UNC5B: variants seen among roughly 807,000 people sequenced by gnomAD.
UNC5B encodes netrin receptor UNC5B.
UNC5B carries 56 observed loss-of-function variants against 103.7 expected under a neutral mutation model. That is an observed-to-expected ratio of 0.54 (90% CI 0.44 to 0.67). The LOEUF (loss-of-function observed/expected upper bound fraction) is 0.67. Ranked by LOEUF, UNC5B falls within the 30% of genes least tolerant of loss-of-function variation. The pLI, the probability that UNC5B is intolerant of heterozygous loss-of-function variation, is 0.00. For missense variants in UNC5B, 1,194 were observed against 1,284.5 expected (o/e 0.93, Z 1.08); for synonymous variants, 577 against 542.0 (o/e 1.06, Z -0.90).
intron 1 of UNC5B, among the ~76,000 whole-genome samples, chr10:71,224,254 G>GACAC (rs140760302): frequency 1.0e-4 from 11 of 108,564 alleles, no homozygotes; most frequent in African/African-American, 4.6e-4. Flanking sequence ...CACACACACA[G>GACAC]ACACACACAC....
chr10:71,273,511 G>A (rs988183668), intron 1 of UNC5B, among the ~76,000 whole-genome samples: 5 of 152,348 alleles, frequency 3.3e-5, no homozygotes, highest in Middle Eastern at 3.4e-3. Context: ...GACCCTCTGA[G>A]AGGTACAGTG....
At chr10:71,273,578 T>C (rs1844696657) in intron 1 of UNC5B, among the ~76,000 whole-genome samples, 1 of 152,240 alleles carries the variant, frequency 6.6e-6, no homozygotes, top group African/African-American at 2.4e-5. Context: ...CTCCTGCTCA[T>C]CCAGGTGGGT....
At chr10:71,256,731 C>A (rs1349011549) in intron 1 of UNC5B, among the ~76,000 whole-genome samples, 1 of 152,236 alleles carries the variant, frequency 6.6e-6, no homozygotes, top group Non-Finnish European at 1.5e-5. Flanking sequence ...CCTGCCCGTG[C>A]ATTTGGTGTG....
chr10:71,279,707 C>T lies in UNC5B; in HGVS notation c.80-114C>T. ...ACGTCCCCAGGAGGGCTCTGGCTGCCCCACCTCTGCCTCCCCTGTCCTCTT... is the reference window on the plus strand; with the variant it reads ...ACGTCCCCAGGAGGGCTCTGGCTGCTCCACCTCTGCCTCCCCTGTCCTCTT... On this transcript the variant is annotated intron_variant, in intron 1 of 16. Transcript: ENST00000335350. 5 of 1,177,674 alleles carry T rather than the reference C, an allele frequency of 4.2e-6. 1 individual carries two copies. Among genetic ancestry groups the T allele is most frequent in the Middle Eastern group, 2.9e-4 (1 of 3,444 alleles). 73.0% of individuals were successfully genotyped at this position (1,177,674 alleles called of 1,614,324 possible).
chr10:71,277,960 A>G (rs1589187865), intron 1 of UNC5B, among the ~76,000 whole-genome samples: 2 of 152,234 alleles, frequency 1.3e-5, no homozygotes, highest in African/African-American at 2.4e-5. Flanking sequence ...CACCTACACC[A>G]TTACAGAGCT....
chr10:71,291,852 T>G (rs747959325), intron 10 of UNC5B, 31 bp downstream of exon 10: 5 of 1,560,610 alleles, frequency 3.2e-6, no homozygotes, highest in Non-Finnish European at 4.3e-6. Context: ...TGCGTCAGCC[T>G]GGCCTTAGCA....
chr10:71,291,546 ACT>A lies in UNC5B; in HGVS notation c.1413_1414del (p.Pro472SerfsTer9), dbSNP rs1474660220. Reference sequence around the variant, plus strand: ...TCCACCGACAAAATCCCCATGACCAACTCTCCTCTGCTGGACCCCTTACCCAG... The same window carrying A: ...TCCACCGACAAAATCCCCATGACCAACTCCTCTGCTGGACCCCTTACCCAG... On this transcript the variant is annotated frameshift_variant, in exon 10 of 17. Transcript: ENST00000335350. LOFTEE classifies it high-confidence loss of function. The A allele has an allele frequency of 6.2e-7, 1 of 1,612,976 alleles. No homozygotes were observed. Among genetic ancestry groups the A allele is most frequent in the Non-Finnish European group, 8.5e-7 (1 of 1,179,754 alleles).
chr10:71,290,167 T>C (rs1413220934), intron 8 of UNC5B, among the ~76,000 whole-genome samples: 1 of 152,234 alleles, frequency 6.6e-6, no homozygotes, highest in African/African-American at 2.4e-5. Flanking sequence ...TCAGGAGCCA[T>C]ATGTGACTAG....
chr10:71,220,845 C>G (rs757747770), intron 1 of UNC5B, among the ~76,000 whole-genome samples: 1 of 152,196 alleles, frequency 6.6e-6, no homozygotes. Flanking sequence ...CTGCTCCTGG[C>G]TGAGGAGTTA....
intron 1 of UNC5B, among the ~76,000 whole-genome samples, chr10:71,274,105 G>A (rs1033615693): frequency 2.6e-5 from 4 of 152,224 alleles, no homozygotes; most frequent in African/African-American, 9.6e-5. Context: ...GCTCATGCCT[G>A]TAATCCCAGC....
At chr10:71,298,130 G>A (rs765792459) in intron 16 of UNC5B, 40 bp downstream of exon 16, 77 of 1,547,246 alleles carry the variant, frequency 5.0e-5, no homozygotes, top group East Asian at 2.8e-4. Flanking sequence ...ATCTGCCTTC[G>A]TCCTCAAGGT....
chr10:71,213,077 C>T lies in UNC5B; in HGVS notation c.79+13C>T. 5.2e-6 allele frequency: 7 copies of T among 1,357,082 alleles called. No homozygotes were observed. Among genetic ancestry groups the T allele is most frequent in the Admixed American group, 3.1e-5 (1 of 32,508 alleles). The allele number at this position is 1,357,082 out of a possible 1,614,324, so 84.1% of individuals were successfully genotyped here. The stretch of plus-strand genomic sequence containing the variant: ...CTGAGCCAAGCAGGTAGGAAGCGAT[C>T]GGGTCTGGGGGCGCGGGGCTAGGGG... On this transcript the variant is annotated intron_variant, in intron 1 of 16. Transcript: ENST00000335350. This position sits in a 1 kb window ranked among gnomAD's most constrained non-coding sequence, Gnocchi z 4.1.
rs571963754 is a variant in UNC5B, at chr10:71,226,224, G to A, written c.79+13160G>A. Among the ~76,000 whole-genome samples the A allele has an allele frequency of 4.0e-3, 603 of 152,132 alleles. 7 individuals carry two copies. The highest frequency in any genetic ancestry group is 0.025 in the South Asian group (121 of 4,820). On this transcript the variant is annotated intron_variant, in intron 1 of 16. Transcript: ENST00000335350. ...CAAGTAGCTGGGATTACAGGCGCCC[G>A]CCACCACACTCGGCTAATTTTTGTA...
intron 1 of UNC5B, among the ~76,000 whole-genome samples, chr10:71,270,375 G>A (rs1330338221): frequency 7.5e-6 from 1 of 133,724 alleles, no homozygotes; most frequent in Admixed American, 7.3e-5. Flanking sequence ...AGGGAGGGTG[G>A]GAGGCAGGGA....
At chr10:71,287,275 T>G (rs78245157) in intron 5 of UNC5B, among the ~76,000 whole-genome samples, 1 of 152,156 alleles carries the variant, frequency 6.6e-6, no homozygotes, top group Admixed American at 6.5e-5. Flanking sequence ...AGAAAGAACC[T>G]TGTGCTAGGT....
Position 71,279,723 on chromosome 10 carries a change from CT to C in UNC5B, c.80-97del, listed in dbSNP as rs1844866857. 3.0e-6 allele frequency: 4 copies of C among 1,345,474 alleles called. No homozygotes were observed. In the South Asian group the frequency reaches 4.2e-5, roughly 14 times the overall value. 83.3% of individuals were successfully genotyped at this position (1,345,474 alleles called of 1,614,324 possible). ...TCTGGCTGCCCCACCTCTGCCTCCCCTGTCCTCTTCGTCTGCGGTGGGCCCC... is the reference window on the plus strand; with the variant it reads ...TCTGGCTGCCCCACCTCTGCCTCCCCGTCCTCTTCGTCTGCGGTGGGCCCC... On this transcript the variant is annotated intron_variant, in intron 1 of 16. Coordinates refer to ENST00000335350, the MANE Select transcript of UNC5B (RefSeq NM_170744.5).
intron 3 of UNC5B, 118 bp from the exon 4 acceptor site, chr10:71,285,208 A>G: frequency 9.3e-7 from 1 of 1,070,130 alleles, no homozygotes; most frequent in Non-Finnish European, 1.4e-6. Context: ...GGCAAAGGCC[A>G]GGTGGGCCCA....
At chr10:71,284,693 C>T (rs781487930) in intron 2 of UNC5B, 27 bp from the exon 3 acceptor site, 11 of 1,611,756 alleles carry the variant, frequency 6.8e-6, no homozygotes, top group African/African-American at 1.3e-5. Context: ...GCCCCTGCCC[C>T]CTGACGGCTC....
chr10:71,276,679 C>T (rs1456029358), intron 1 of UNC5B, among the ~76,000 whole-genome samples: 1 of 152,230 alleles, frequency 6.6e-6, no homozygotes, highest in African/African-American at 2.4e-5. Flanking sequence ...GGCAGTCCAC[C>T]CACCTCGGCC....
Sources: allele counts gnomAD v4.1 joint callset (sites outside exome capture counted in the v4.1 genomes callset), GRCh38; gene constraint gnomAD v4.1.1; non-coding constraint Gnocchi (gnomAD v3.1); transcripts MANE v1.5; gene names NCBI Gene and HGNC (gene_info 2026-07-23, HGNC 2026-07-21).